Variants in LLGL2 observed in about 807,000 individuals in gnomAD.
The protein encoded by LLGL2 is LLGL scribble cell polarity complex component 2, also known as LLGL2, scribble cell polarity complex component.
A neutral mutation model predicts 123.2 loss-of-function variants in LLGL2; 81 were observed. The ratio of observed to expected loss-of-function variants is 0.66; its 90% CI spans 0.55 to 0.79. The LOEUF is 0.79. Ranked by LOEUF, LLGL2 falls within the 30% of genes least tolerant of loss-of-function variation. The pLI, the probability that LLGL2 is intolerant of heterozygous loss-of-function variation, is 0.00. For missense variants in LLGL2, 1,273 were observed against 1,414.6 expected (o/e 0.90, Z 1.61); for synonymous variants, 577 against 594.1 (o/e 0.97, Z 0.42).
chr17:75,573,614 G>C lies in LLGL2; in HGVS notation c.2859G>C (p.Lys953Asn). Residue 953 changes from lysine (K) to asparagine (N), a missense_variant, in exon 21 of 26, where the codon AAG becomes AAC. Lys to Asn is a moderately conservative substitution (Grantham distance 94). Coordinates refer to ENST00000392550, the MANE Select transcript of LLGL2 (RefSeq NM_001031803.2). The stretch of plus-strand genomic sequence containing the variant: ...CTGGTAACGGTGCGGGCCCCAAGAA[G>C]GCCCCGAGCCGAGCCAGGTGAGTGA... ...HRPGNGAGPK[K>N]APSRARNSGT... The C allele has an allele frequency of 6.2e-7, 1 of 1,608,066 alleles. No homozygotes were observed. Among genetic ancestry groups the C allele is most frequent in the Non-Finnish European group, 8.5e-7 (1 of 1,178,524 alleles).
At chr17:75,530,938 T>TC (rs1215427562) in intron 1 of LLGL2, among the ~76,000 whole-genome samples, 2 of 152,142 alleles carry the variant, frequency 1.3e-5, no homozygotes, top group African/African-American at 4.8e-5. Context: ...CCTTGATGCT[T>TC]CCCTTGCTCC....
intron 6 of LLGL2, among the ~76,000 whole-genome samples, chr17:75,561,122 A>T (rs1199702256): frequency 6.6e-6 from 1 of 152,194 alleles, no homozygotes; most frequent in Non-Finnish European, 1.5e-5. Flanking sequence ...GTGAGCCACC[A>T]GGCCCAGCCC....
In LLGL2 at chr17:75,559,540, G is replaced by A; in HGVS notation, c.530+130G>A. On this transcript the variant is annotated intron_variant, in intron 6 of 25. Transcript: ENST00000392550. This position sits in a 1 kb window ranked among gnomAD's most constrained non-coding sequence, Gnocchi z 4.6. ...AATTCCATGGGGCTATAGCAGGGGAGGCTCTTGGCTTCCTACCTGTCACCT... is the reference window on the plus strand; with the variant it reads ...AATTCCATGGGGCTATAGCAGGGGAAGCTCTTGGCTTCCTACCTGTCACCT... 1 of 1,177,026 alleles carries A rather than the reference G, an allele frequency of 8.5e-7. No homozygotes were observed. Among genetic ancestry groups the A allele is most frequent in the Non-Finnish European group, 1.2e-6 (1 of 858,090 alleles). The allele number at this position is 1,177,026 out of a possible 1,614,324, so 72.9% of individuals were successfully genotyped here. A position where few individuals can be genotyped will look rare whatever the true frequency, so the allele number is the denominator to read the frequency against.
In LLGL2 at chr17:75,569,046, G is replaced by C; in HGVS notation, c.1391G>C (p.Ser464Thr). The change falls in exon 13 of 26, where the codon AGC (serine) becomes ACC (threonine). Residue 464 changes from serine to threonine, a missense_variant. Coordinates refer to ENST00000392550, the MANE Select transcript of LLGL2 (RefSeq NM_001031803.2). ...TGCCTGCGGCTGCTCTACAAACTCAGCACTGTGCGCGTGTTCCTCACCGAC... is the reference window on the plus strand; with the variant it reads ...TGCCTGCGGCTGCTCTACAAACTCACCACTGTGCGCGTGTTCCTCACCGAC... ...GVCLRLLYKL[S>T]TVRVFLTDTD... 1 of 1,612,738 alleles carries C rather than the reference G, an allele frequency of 6.2e-7. No homozygotes were observed. Among genetic ancestry groups the C allele is most frequent in the Non-Finnish European group, 8.5e-7 (1 of 1,179,606 alleles).
intron 6 of LLGL2, among the ~76,000 whole-genome samples, chr17:75,560,612 G>A (rs968817181): frequency 7.3e-5 from 11 of 151,216 alleles, no homozygotes; most frequent in African/African-American, 1.2e-4. Context: ...TCAGCCTCCC[G>A]AGTAGCTGGG....
Position 75,559,575 on chromosome 17 carries a change from C to A in LLGL2, c.530+165C>A, listed in dbSNP as rs2055105347. Among the ~76,000 whole-genome samples, 1 of 152,230 alleles carries A rather than the reference C, an allele frequency of 6.6e-6. No homozygotes were observed. Among genetic ancestry groups the A allele is most frequent in the African/African-American group, 2.4e-5 (1 of 41,452 alleles). On this transcript the variant is annotated intron_variant, in intron 6 of 25. Coordinates refer to ENST00000392550, the MANE Select transcript of LLGL2 (RefSeq NM_001031803.2). The surrounding 1 kb of genome is among the most constrained non-coding windows in gnomAD (Gnocchi z 4.6). ...TTCCTACCTGTCACCTACTGAGAAC[C>A]TATTGGCCTGTCATAGGTTAGCATC... is the stretch of plus-strand genomic sequence containing the variant.
intron 2 of LLGL2, among the ~76,000 whole-genome samples, chr17:75,545,244 C>T (rs570545150): frequency 1.3e-5 from 2 of 152,236 alleles, no homozygotes; most frequent in South Asian, 4.1e-4. Flanking sequence ...TTGTCCCACT[C>T]CCAGGCCTGG....
intron 6 of LLGL2, 109 bp from the exon 7 acceptor site, chr17:75,562,907 G>A (rs2055283298): frequency 7.5e-7 from 1 of 1,339,054 alleles, no homozygotes; most frequent in Non-Finnish European, 1.0e-6. Context: ...TTTCTATGCT[G>A]GCACATGGAG....
intron 3 of LLGL2, among the ~76,000 whole-genome samples, chr17:75,556,786 G>A (rs111418394): frequency 0.031 from 4,725 of 152,262 alleles, 224 homozygotes; most frequent in African/African-American, 0.11. Context: ...GGCACTTTGG[G>A]AGGCTGAGGC....
At position 75,558,095 on chromosome 17, in the gene LLGL2, A is replaced by G; in HGVS notation, c.174-60A>G. The stretch of plus-strand genomic sequence containing the variant: ...TGCACATGGGCCCCGAGGGCCTGGC[A>G]CTCAAGGCAGGCAGGGGATGGTGTC... On this transcript the variant is annotated intron_variant, in intron 3 of 25. Coordinates refer to ENST00000392550, the MANE Select transcript of LLGL2 (RefSeq NM_001031803.2). The surrounding 1 kb of genome is among the most constrained non-coding windows in gnomAD (Gnocchi z 4.0). 1 of 1,510,464 alleles carries G rather than the reference A, an allele frequency of 6.6e-7. No homozygotes were observed. Among genetic ancestry groups the G allele is most frequent in the Non-Finnish European group, 9.2e-7 (1 of 1,086,120 alleles). The allele number at this position is 1,510,464 out of a possible 1,614,324, so 93.6% of individuals were successfully genotyped here. A position where few individuals can be genotyped will look rare whatever the true frequency, so the allele number is the denominator to read the frequency against.
Position 75,559,526 on chromosome 17 carries a change from G to T in LLGL2, c.530+116G>T. 4.5e-6 allele frequency: 6 copies of T among 1,321,060 alleles called. No homozygotes were observed. The highest frequency in any genetic ancestry group is 6.1e-6 in the Non-Finnish European group (6 of 979,964). 81.8% of individuals were successfully genotyped at this position (1,321,060 alleles called of 1,614,324 possible). ...ATTTCTCTGCTGGGAATTCCATGGG[G>T]CTATAGCAGGGGAGGCTCTTGGCTT... On this transcript the variant is annotated intron_variant, in intron 6 of 25. Coordinates refer to ENST00000392550, the MANE Select transcript of LLGL2 (RefSeq NM_001031803.2). This position sits in a 1 kb window ranked among gnomAD's most constrained non-coding sequence, Gnocchi z 4.6.
intron 21 of LLGL2, 69 bp from the exon 22 acceptor site, chr17:75,573,883 G>T (rs1186594684): frequency 5.3e-6 from 8 of 1,516,182 alleles, no homozygotes; most frequent in Non-Finnish European, 6.3e-6. Flanking sequence ...TGTTCTTCAT[G>T]GGACCAGGGC....
In LLGL2 at chr17:75,544,407, C is replaced by T. The variant is rs2054334393; in HGVS notation, c.75+906C>T. Among the ~76,000 whole-genome samples the T allele has an allele frequency of 6.6e-6, 1 of 152,186 alleles. No homozygotes were observed. Among genetic ancestry groups the T allele is most frequent in the South Asian group, 2.1e-4 (1 of 4,826 alleles). On this transcript the variant is annotated intron_variant, in intron 2 of 25. Coordinates refer to ENST00000392550, the MANE Select transcript of LLGL2 (RefSeq NM_001031803.2). This position sits in a 1 kb window ranked among gnomAD's most constrained non-coding sequence, Gnocchi z 4.2. ...CCGAAAGGAAGCAGTGGATGTGAGA[C>T]CAGACAGTCTGGAAAAGGGATGTCT...
intron 23 of LLGL2, 27 bp from the exon 24 acceptor site, chr17:75,574,426 G>T: frequency 1.3e-6 from 2 of 1,548,186 alleles, no homozygotes. Context: ...GGGCCTCAGT[G>T]GGCCTCTGTT....
At chr17:75,551,751 G>A (rs929708104) in intron 2 of LLGL2, among the ~76,000 whole-genome samples, 2 of 152,204 alleles carry the variant, frequency 1.3e-5, no homozygotes, top group African/African-American at 4.8e-5. Flanking sequence ...AGGCCAATGG[G>A]AATATAATAT....
At chr17:75,531,751 G>C (rs2053796303) in intron 1 of LLGL2, among the ~76,000 whole-genome samples, 1 of 152,216 alleles carries the variant, frequency 6.6e-6, no homozygotes, top group Non-Finnish European at 1.5e-5. Flanking sequence ...CTGTGCCCGT[G>C]GCCATGGCTT....
intron 1 of LLGL2, chr17:75,542,680 AGCACAGCCCATGAGC>A (rs1383970115): frequency 6.6e-6 from 1 of 152,222 alleles, no homozygotes; most frequent in Non-Finnish European, 1.5e-5. Context: ...AACCTTTCTG[AGCACAGCCCATGAGC>A]GCACAGGGAA....
At chr17:75,557,615 G>A (rs532782579) in intron 3 of LLGL2, among the ~76,000 whole-genome samples, 4 of 152,292 alleles carry the variant, frequency 2.6e-5, no homozygotes, top group South Asian at 2.1e-4. Context: ...TGCCCGGTGT[G>A]GGGGAGGGGT....
intron 10 of LLGL2, among the ~76,000 whole-genome samples, chr17:75,565,590 GCTAA>G (rs1224477971): frequency 2.6e-5 from 4 of 152,218 alleles, no homozygotes; most frequent in Admixed American, 2.0e-4. Context: ...CACTCCCCGG[GCTAA>G]CTGAGTTACC....
Sources: allele counts gnomAD v4.1 joint callset (sites outside exome capture counted in the v4.1 genomes callset), GRCh38; gene constraint gnomAD v4.1.1; non-coding constraint Gnocchi (gnomAD v3.1); transcripts MANE v1.5; gene names NCBI Gene and HGNC (gene_info 2026-07-23, HGNC 2026-07-21).